Variants in LOC400499 observed in about 807,000 individuals in gnomAD.
chr16:11,383,043 A>AGAGTACAAAGAGAGGAGGTGCC, the LOC400499 span, among the ~76,000 whole-genome samples: 523 of 151,290 alleles, frequency 3.5e-3, 6 homozygotes, highest in African/African-American at 0.012. Flanking sequence ...GCAGGAGGAG[A>AGAGTACAAAGAGAGGAGGTGCC]GAGTACAAAG....
At chr16:11,527,045 C>G in the LOC400499 span, among the ~76,000 whole-genome samples, 2 of 152,212 alleles carry the variant, frequency 1.3e-5, no homozygotes, top group Non-Finnish European at 2.9e-5. Context: ...CAATCCCCGG[C>G]GCATCTGGAC....
chr16:11,377,510 A>G, the LOC400499 span, among the ~76,000 whole-genome samples: 9 of 152,206 alleles, frequency 5.9e-5, no homozygotes, highest in African/African-American at 2.2e-4. Flanking sequence ...GTATGTTTTT[A>G]ATCACGAAAG....
At chr16:11,434,139 A>C in the LOC400499 span, among the ~76,000 whole-genome samples, 133,373 of 152,114 alleles carry the variant, frequency 0.88, 58,526 homozygotes, top group Admixed American at 0.89. Flanking sequence ...AGCTCTGGAG[A>C]GCTCACCAAG....
chr16:11,377,869 T>G, the LOC400499 span, among the ~76,000 whole-genome samples: 239 of 152,234 alleles, frequency 1.6e-3, 1 homozygote, highest in African/African-American at 5.3e-3. Flanking sequence ...AGGATTGGTA[T>G]TGATTCTTCA....
At chr16:11,417,062 C>T in the LOC400499 span, among the ~76,000 whole-genome samples, 25 of 152,110 alleles carry the variant, frequency 1.6e-4, no homozygotes, top group Non-Finnish European at 8.8e-5. Context: ...CTTTTATCTT[C>T]CCACCATAAT....
the LOC400499 span, among the ~76,000 whole-genome samples, chr16:11,461,957 G>C: frequency 6.6e-6 from 1 of 152,194 alleles, no homozygotes; most frequent in Non-Finnish European, 1.5e-5. Flanking sequence ...TTGGAGGTTG[G>C]GGGAGGTTCT....
chr16:11,464,840 TC>T, the LOC400499 span, among the ~76,000 whole-genome samples: 1 of 152,154 alleles, frequency 6.6e-6, no homozygotes, highest in African/African-American at 2.4e-5. Flanking sequence ...GTAGAGGCAA[TC>T]CGTGCTTGCA....
chr16:11,430,383 G>A, the LOC400499 span, among the ~76,000 whole-genome samples: 470 of 152,166 alleles, frequency 3.1e-3, 5 homozygotes, highest in African/African-American at 0.011. Flanking sequence ...CAAGCTACTC[G>A]GGAGGCTGAG....
the LOC400499 span, chr16:11,457,160 C>T: frequency 3.1e-5 from 29 of 935,634 alleles, no homozygotes; most frequent in South Asian, 8.9e-5. Flanking sequence ...ACACGGGCAA[C>T]GGGAGTGGAA....
chr16:11,448,410 G>T, the LOC400499 span, among the ~76,000 whole-genome samples: 2 of 152,200 alleles, frequency 1.3e-5, no homozygotes, highest in African/African-American at 2.4e-5. Context: ...TGGGCATGGT[G>T]GCTCATGCCT....
chr16:11,494,682 G>C, the LOC400499 span: 1,528 of 399,532 alleles, frequency 3.8e-3, 25 homozygotes, highest in African/African-American at 0.029. Flanking sequence ...GGCCCGTCCA[G>C]AGAAGCACAG....
At chr16:11,410,442 A>T in the LOC400499 span, among the ~76,000 whole-genome samples, 1 of 152,114 alleles carries the variant, frequency 6.6e-6, no homozygotes, top group African/African-American at 2.4e-5. Context: ...TGACAAAGAG[A>T]GACTGTGTCT....
At chr16:11,375,011 G>C in the LOC400499 span, among the ~76,000 whole-genome samples, 2 of 151,984 alleles carry the variant, frequency 1.3e-5, no homozygotes, top group Non-Finnish European at 2.9e-5. Context: ...ACCACACCCA[G>C]CTAATTTTTG....
At chr16:11,401,770 T>C in the LOC400499 span, among the ~76,000 whole-genome samples, 2 of 152,244 alleles carry the variant, frequency 1.3e-5, no homozygotes, top group African/African-American at 4.8e-5. Context: ...GGGAGGCTGA[T>C]GTGTGGCTTC....
At chr16:11,486,730 T>G in the LOC400499 span, among the ~76,000 whole-genome samples, 2 of 88,558 alleles carry the variant, frequency 2.3e-5, no homozygotes, top group Admixed American at 1.3e-4. Flanking sequence ...GATGGGTGGG[T>G]GGATGAATGG....
chr16:11,515,487 A>G, the LOC400499 span, among the ~76,000 whole-genome samples: 1 of 145,564 alleles, frequency 6.9e-6, no homozygotes, highest in Non-Finnish European at 1.5e-5. Context: ...ACGTACATAC[A>G]TACATACATA....
chr16:11,445,675 T>A, the LOC400499 span, among the ~76,000 whole-genome samples: 1 of 152,206 alleles, frequency 6.6e-6, no homozygotes, highest in South Asian at 2.1e-4. Context: ...GAAGCAGGGC[T>A]GAGGGGACAG....
At chr16:11,446,365 C>T in the LOC400499 span, among the ~76,000 whole-genome samples, 1 of 152,178 alleles carries the variant, frequency 6.6e-6, no homozygotes, top group South Asian at 2.1e-4. Flanking sequence ...CATATGTCGC[C>T]CAGATGGATC....
At chr16:11,506,483 C>T in the LOC400499 span, among the ~76,000 whole-genome samples, 1 of 152,326 alleles carries the variant, frequency 6.6e-6, no homozygotes, top group Non-Finnish European at 1.5e-5. Context: ...ACCTGTAACT[C>T]GAGCTCCTTG....
Sources: gnomAD v4.1 joint callset for allele counts (sites outside exome capture counted in the v4.1 genomes callset) on GRCh38, gnomAD v4.1.1 for gene constraint, MANE v1.5 for transcripts.